MTERF4: variants seen among roughly 807,000 people sequenced by gnomAD.
MTERF4 encodes mitochondrial transcription termination factor 4, also known as transcription termination factor 4, mitochondrial.
MTERF4 carries 17 observed loss-of-function variants against 22.5 expected under a neutral mutation model. The observed-to-expected ratio is 0.75, with a 90% CI of 0.52 to 1.13. MTERF4 has a LOEUF of 1.13. Ranked by LOEUF, MTERF4 falls within the 50% of genes most tolerant of loss-of-function variation. MTERF4 has a pLI of 0.00. For missense variants in MTERF4, 420 were observed against 466.8 expected (o/e 0.90, Z 0.92); for synonymous variants, 165 against 175.3 (o/e 0.94, Z 0.47).
chr2:241,053,104 G>T, the MTERF4 span: 1 of 1,557,044 alleles, frequency 6.4e-7, no homozygotes, highest in Middle Eastern at 2.1e-4. Context: ...CGGTGGGGAG[G>T]GGCCAGGAAG....
rs1320496840 is a variant in MTERF4, at chr2:241,099,470, G to A, written c.446C>T (p.Pro149Leu). ...EPVCVVLKKS[P>L]QLLKLPIMQM... ...CATAATAGGCAGTTTCAATAACTGG[G>A]GACTTTTCTTCAAGACCACACACAC... Residue 149 changes from proline (P) to leucine (L), a missense_variant, in exon 2 of 4, where the codon CCC becomes CTC. Coordinates refer to ENST00000391980, the MANE Select transcript of MTERF4 (RefSeq NM_182501.4). The A allele has an allele frequency of 6.2e-7, 1 of 1,614,030 alleles. No homozygotes were observed. The highest frequency in any genetic ancestry group is 1.3e-5 in the African/African-American group (1 of 74,882).
the MTERF4 span, chr2:241,065,326 T>C: frequency 6.2e-7 from 1 of 1,612,796 alleles, no homozygotes; most frequent in African/African-American, 1.3e-5. Flanking sequence ...GCCCTCAAGA[T>C]GGAGAGAGTG....
chr2:241,063,645 A>C, the MTERF4 span: 3 of 1,612,598 alleles, frequency 1.9e-6, no homozygotes, highest in Non-Finnish European at 2.5e-6. Context: ...GGAACCTCCC[A>C]GGGGCCTATG....
chr2:241,063,857 G>A, the MTERF4 span, among the ~76,000 whole-genome samples: 1 of 151,982 alleles, frequency 6.6e-6, no homozygotes, highest in Non-Finnish European at 1.5e-5. Flanking sequence ...TGGAGGTGAG[G>A]GTGCTGGGGA....
At chr2:241,053,141 C>T in the MTERF4 span, 44 of 1,605,474 alleles carry the variant, frequency 2.7e-5, no homozygotes, top group Middle Eastern at 1.8e-4. Context: ...GACAGGCTGC[C>T]GTGCCTTGCA....
At chr2:241,089,386 T>C (rs1389490337), downstream of MTERF4, 9 of 1,550,326 alleles carry the variant, frequency 5.8e-6, no homozygotes, top group African/African-American at 8.2e-5. Context: ...AAAGGAGAAA[T>C]GTCATTCAGG....
At chr2:241,099,988 G>C in intron 1 of MTERF4, 94 bp from the exon 2 acceptor site, 1 of 1,432,682 alleles carries the variant, frequency 7.0e-7, no homozygotes. Context: ...TACTGCCTTG[G>C]TTCCACACAA....
chr2:241,065,104 T>C, the MTERF4 span: 1 of 815,254 alleles, frequency 1.2e-6, no homozygotes, highest in Non-Finnish European at 1.9e-6. Flanking sequence ...AATCCCCCGG[T>C]GGGCTTGAAA....
downstream of MTERF4, among the ~76,000 whole-genome samples, chr2:241,069,260 C>A (rs900449690): frequency 2.0e-5 from 3 of 152,200 alleles, no homozygotes; most frequent in East Asian, 5.8e-4. The surrounding 1 kb of genome is among the most constrained non-coding windows in gnomAD (Gnocchi z 4.9). Context: ...CTGGTAGCTC[C>A]TCAGCATGGA....
the MTERF4 span, chr2:241,048,961 G>C: frequency 6.9e-7 from 1 of 1,454,920 alleles, no homozygotes. Flanking sequence ...CCTTGACAAG[G>C]ACTCGAGGTC....
At chr2:241,087,468 C>T, downstream of MTERF4, 3 of 1,601,988 alleles carry the variant, frequency 1.9e-6, no homozygotes, top group Non-Finnish European at 2.6e-6. Flanking sequence ...CAAGAAGACC[C>T]CAAACAGGTG....
rs1460270712 is a variant in MTERF4 at position 241,073,313 on chromosome 2, C to T, written n.2849G>A. 3.1e-5 allele frequency: 49 copies of T among 1,573,934 alleles called. No individual in the cohort carries two copies. Among genetic ancestry groups the T allele is most frequent in the South Asian group, 1.8e-4 (15 of 85,374 alleles). On this transcript the variant is annotated non_coding_transcript_exon_variant, in exon 5 of 5. Transcript: ENST00000464344. This position sits in a 1 kb window ranked among gnomAD's most constrained non-coding sequence, Gnocchi z 6.6. ...CGAGAACATGGAGGAAGCCCCCAAG[C>T]GGGTCAGCCTGGCCCTCCAGCTCCC...
chr2:241,090,147 C>T (rs1375290853), downstream of MTERF4: 54 of 1,473,708 alleles, frequency 3.7e-5, no homozygotes, highest in East Asian at 1.2e-3. Flanking sequence ...AATACAAACA[C>T]ACTGTACGGA....
At chr2:241,071,945 G>A, downstream of MTERF4, 1 of 1,304,536 alleles carries the variant, frequency 7.7e-7, no homozygotes, top group Non-Finnish European at 1.1e-6. Context: ...CTCTCACCAG[G>A]TCCTGTCCCC....
At chr2:241,079,602 T>C (rs1463113877) in intron 4 of MTERF4, among the ~76,000 whole-genome samples, 2 of 152,260 alleles carry the variant, frequency 1.3e-5, no homozygotes, top group East Asian at 3.9e-4. Flanking sequence ...CTTCTCTGAA[T>C]GAACCTTGTT....
At chr2:241,068,844 T>G (rs2062580277), downstream of MTERF4, 6 of 1,135,712 alleles carry the variant, frequency 5.3e-6, no homozygotes, top group Non-Finnish European at 7.5e-6. The surrounding 1 kb of genome is among the most constrained non-coding windows in gnomAD (Gnocchi z 5.3). Context: ...GGAGCTGCGG[T>G]CTGGCAGCAG....
downstream of MTERF4, chr2:241,070,040 G>A (rs532626731): frequency 6.8e-6 from 11 of 1,613,058 alleles, no homozygotes; most frequent in South Asian, 9.9e-5. Context: ...GTGACCACCA[G>A]CCAGAGCACC....
the MTERF4 span, chr2:241,053,137 CTGCCG>C: frequency 6.2e-7 from 1 of 1,603,852 alleles, no homozygotes; most frequent in Non-Finnish European, 8.5e-7. Context: ...GCGAGACAGG[CTGCCG>C]TGCCTTGCAG....
chr2:241,084,761 T>C (rs1330347752), downstream of MTERF4, among the ~76,000 whole-genome samples: 1 of 152,196 alleles, frequency 6.6e-6, no homozygotes, highest in South Asian at 2.1e-4. Flanking sequence ...TCTGGTATCA[T>C]TTCTCTTTGC....
Sources: gnomAD v4.1 joint callset for allele counts (sites outside exome capture counted in the v4.1 genomes callset) on GRCh38, gnomAD v4.1.1 for gene constraint, Gnocchi (gnomAD v3.1) non-coding constraint, MANE v1.5 for transcripts, NCBI Gene and HGNC (gene_info 2026-07-23, HGNC 2026-07-21) for gene names.